NTM: variants seen among roughly 807,000 people sequenced by gnomAD.
NTM encodes the protein neurotrimin.
In NTM, 13 loss-of-function variants were observed where a neutral mutation model predicts 42.1. That is an observed-to-expected ratio of 0.31 (90% CI 0.20 to 0.49). The LOEUF (loss-of-function observed/expected upper bound fraction) is 0.49. Ranked by LOEUF, NTM falls within the 20% of genes least tolerant of loss-of-function variation. The pLI is 0.99. For missense variants in NTM, 373 were observed against 452.8 expected, an observed-to-expected ratio of 0.82 and a Z score of 1.60; for synonymous variants, 187 against 179.2, an observed-to-expected ratio of 1.04 and a Z score of -0.35.
chr11:132,113,618 A>T (rs1272971700), intron 2 of NTM, among the ~76,000 whole-genome samples: 1 of 152,170 alleles, frequency 6.6e-6, no homozygotes, highest in Non-Finnish European at 1.5e-5. Context: ...GGGATGTGAG[A>T]GGCACTCCCA....
chr11:131,449,767 AG>A (rs1950343811), intron 1 of NTM, among the ~76,000 whole-genome samples: 1 of 152,164 alleles, frequency 6.6e-6, no homozygotes, highest in South Asian at 2.1e-4. Flanking sequence ...AGGACTGGAG[AG>A]GCCTTGGAAG....
chr11:131,549,882 C>T (rs1355595349), intron 1 of NTM, among the ~76,000 whole-genome samples: 2 of 152,160 alleles, frequency 1.3e-5, no homozygotes, highest in African/African-American at 2.4e-5. Flanking sequence ...AGTGACAAAC[C>T]ACGATTCGAG....
intron 2 of NTM, among the ~76,000 whole-genome samples, chr11:131,958,835 CGAAAT>C (rs1309364832): frequency 2.0e-5 from 3 of 152,014 alleles, no homozygotes; most frequent in African/African-American, 7.3e-5. Context: ...TTTATGGTGA[CGAAAT>C]GAAGGAAGAG....
chr11:131,663,791 TAC>T (rs546150941), intron 1 of NTM, among the ~76,000 whole-genome samples: 31 of 151,750 alleles, frequency 2.0e-4, no homozygotes, highest in African/African-American at 6.8e-4. Flanking sequence ...TACTAAACAA[TAC>T]ACACACACAC....
In NTM at chr11:131,874,035, ATATATATATAT is replaced by A. The variant is rs1292766803; in HGVS notation, c.83-37528_83-37518del. 8.7e-3 allele frequency among the ~76,000 whole-genome samples: 155 copies of A among 17,760 alleles called. 7 individuals carry two copies. The highest frequency in any genetic ancestry group is 0.02 in the African/African-American group (147 of 7,498). 11.7% of individuals were successfully genotyped at this position (17,760 alleles called of 152,430 possible). A position where few individuals can be genotyped will look rare whatever the true frequency, so the allele number is the denominator to read the frequency against. On this transcript the variant is annotated intron_variant, in intron 1 of 8. Transcript: ENST00000683400. ...ATATTTATATAATATAATATAATAT[ATATATATATAT>A]ATATATATATATATATATATATCAG...
At chr11:131,934,134 T>A (rs578025638) in intron 2 of NTM, among the ~76,000 whole-genome samples, 2 of 152,342 alleles carry the variant, frequency 1.3e-5, no homozygotes, top group East Asian at 3.9e-4. Flanking sequence ...ATACAATTAC[T>A]GATTTTTAAG....
rs80165181 is a variant in NTM, at chr11:131,418,372, C to T, written c.82+47484C>T. ...CGGCATGTCTGCATTTGCAGTGATG[C>T]ATGCTAGAAGCTATGGTGCAGATCT... On this transcript the variant is annotated intron_variant, in intron 1 of 8. Coordinates refer to ENST00000683400, the MANE Select transcript of NTM (RefSeq NM_001352005.2). Among the ~76,000 whole-genome samples, 896 of 152,314 alleles carry T rather than the reference C, an allele frequency of 5.9e-3. 9 individuals are homozygous for T. Among genetic ancestry groups the T allele is most frequent in the African/African-American group, 0.02 (844 of 41,562 alleles).
chr11:131,399,685 A>G (rs1019814629), intron 1 of NTM, among the ~76,000 whole-genome samples: 1 of 152,088 alleles, frequency 6.6e-6, no homozygotes, highest in Admixed American at 6.5e-5. Flanking sequence ...GAGGCCGGCC[A>G]TGGTTCTCTT....
Position 132,151,362 on chromosome 11 carries a change from A to G in NTM, c.400+4848A>G, listed in dbSNP as rs972875153. On this transcript the variant is annotated intron_variant, in intron 3 of 8. Transcript: ENST00000683400. ...AATGGTGGTAGAGCAAAAGTGTGCCATGGTTGTGTGCAGAGTGTTAAGAAA... is the reference window on the plus strand; with the variant it reads ...AATGGTGGTAGAGCAAAAGTGTGCCGTGGTTGTGTGCAGAGTGTTAAGAAA... Among the ~76,000 whole-genome samples, 3 of 152,308 alleles carry G rather than the reference A, an allele frequency of 2.0e-5. No individual in the cohort carries two copies. In the East Asian group the frequency reaches 5.8e-4, roughly 29 times the overall value.
chr11:131,762,162 C>A (rs888798464), intron 1 of NTM, among the ~76,000 whole-genome samples: 4 of 152,252 alleles, frequency 2.6e-5, no homozygotes, highest in South Asian at 2.1e-4. Context: ...CTTTCGGCAG[C>A]ACCCTAGCGC....
chr11:131,822,454 TA>T (rs1266837882), intron 1 of NTM, among the ~76,000 whole-genome samples: 2 of 152,146 alleles, frequency 1.3e-5, no homozygotes, highest in East Asian at 1.9e-4. Context: ...ATGGTTTTTT[TA>T]AAAAAACAAA....
At chr11:132,144,797 G>T (rs1365889668) in intron 2 of NTM, among the ~76,000 whole-genome samples, 2 of 152,216 alleles carry the variant, frequency 1.3e-5, no homozygotes, top group East Asian at 3.9e-4. Flanking sequence ...TGCATTGCCA[G>T]AAAATGCAAT....
chr11:132,187,606 C>T (rs552270919), intron 3 of NTM, among the ~76,000 whole-genome samples: 7 of 152,256 alleles, frequency 4.6e-5, no homozygotes, highest in Admixed American at 2.6e-4. Context: ...CCCTGTGCTG[C>T]TGGTGACCTC....
chr11:131,615,451 T>C (rs1057210076), intron 1 of NTM, among the ~76,000 whole-genome samples: 3 of 152,124 alleles, frequency 2.0e-5, no homozygotes, highest in Non-Finnish European at 4.4e-5. Flanking sequence ...CTGAAACCTC[T>C]GCCTCCCAGG....
intron 1 of NTM, among the ~76,000 whole-genome samples, chr11:131,751,185 C>G (rs2082456436): frequency 6.6e-6 from 1 of 152,118 alleles, no homozygotes; most frequent in Non-Finnish European, 1.5e-5. Context: ...CTTGTAATCC[C>G]AGCACTTTGG....
intron 1 of NTM, among the ~76,000 whole-genome samples, chr11:131,601,150 C>A (rs561991008): frequency 1.3e-5 from 2 of 152,308 alleles, no homozygotes; most frequent in African/African-American, 4.8e-5. Flanking sequence ...GTGGGCCACG[C>A]CCTTTCAACC....
intron 1 of NTM, among the ~76,000 whole-genome samples, chr11:131,460,613 C>T (rs1486320522): frequency 3.9e-5 from 6 of 152,044 alleles, no homozygotes; most frequent in African/African-American, 1.5e-4. Context: ...AGTGCAGTGG[C>T]GCGATCTCAG....
intron 4 of NTM, among the ~76,000 whole-genome samples, chr11:132,275,700 A>ACG (rs1555060009): frequency 1.1e-4 from 16 of 141,958 alleles, no homozygotes; most frequent in Admixed American, 3.7e-4. Flanking sequence ...TTATATATAT[A>ACG]TGTATATATA....
chr11:131,875,378 G>C (rs975902320), intron 1 of NTM, among the ~76,000 whole-genome samples: 1 of 152,182 alleles, frequency 6.6e-6, no homozygotes, highest in Admixed American at 6.5e-5. Flanking sequence ...TTGACAGCCT[G>C]GTTGAGGACC....
Sources: allele counts gnomAD v4.1 joint callset (sites outside exome capture counted in the v4.1 genomes callset), GRCh38; gene constraint gnomAD v4.1.1; transcripts MANE v1.5; gene names NCBI Gene and HGNC (gene_info 2026-07-23, HGNC 2026-07-21).